Variants in ZNF837 observed in about 807,000 individuals in gnomAD.
ZNF837 encodes the protein zinc finger protein 837.
For missense variants in ZNF837, 955 were observed against 801.7 expected, an observed-to-expected ratio of 1.19 and a Z score of -2.31; for synonymous variants, 475 against 365.2, an observed-to-expected ratio of 1.30 and a Z score of -3.43.
At chr19:58,375,671 C>A (rs2052239219) in intron 1 of ZNF837, among the ~76,000 whole-genome samples, 1 of 151,554 alleles carries the variant, frequency 6.6e-6, no homozygotes. Context: ...TGGTCTCGAA[C>A]TCCTGACCTC....
At chr19:58,375,824 G>A (rs10405927) in intron 1 of ZNF837, among the ~76,000 whole-genome samples, 108 of 151,406 alleles carry the variant, frequency 7.1e-4, no homozygotes, top group African/African-American at 2.5e-3. Flanking sequence ...GTCAGGCGTC[G>A]GCCCACCCTG....
chr19:58,371,578 A>G (rs1194065726), intron 1 of ZNF837, among the ~76,000 whole-genome samples: 1 of 152,220 alleles, frequency 6.6e-6, no homozygotes, highest in Non-Finnish European at 1.5e-5. Context: ...CCGGATGGCT[A>G]ACATCATATG....
At chr19:58,369,968 A>G (rs1432885139) in intron 1 of ZNF837, 40 bp from the exon 2 acceptor site, 1 of 152,218 alleles carries the variant, frequency 6.6e-6, no homozygotes, top group African/African-American at 2.4e-5. Context: ...TAACCAGCTG[A>G]GTAGGGAGAC....
At position 58,368,417 on chromosome 19, in the gene ZNF837, TGCCGCACTC is replaced by T. The variant is rs761144398; in HGVS notation, c.907_915del (p.Glu303_Gly305del). ...AGGCCGGAGCAGCGCACGAAGGCCTTGCCGCACTCGGCGCACTCGTAGGGCCGCTCGCCC... is the reference window on the plus strand; with the variant it reads ...AGGCCGGAGCAGCGCACGAAGGCCTTGGCGCACTCGTAGGGCCGCTCGCCC... On this transcript the variant is annotated inframe_deletion, in exon 3 of 3. Coordinates refer to ENST00000597582, the MANE Select transcript of ZNF837 (RefSeq NM_138466.2). 1.1e-5 allele frequency: 17 copies of T among 1,549,238 alleles called. No homozygotes were observed. In the African/African-American group the frequency reaches 2.2e-4, roughly 20 times the overall value.
At chr19:58,372,463 C>T (rs756265979) in intron 1 of ZNF837, among the ~76,000 whole-genome samples, 6 of 152,096 alleles carry the variant, frequency 3.9e-5, no homozygotes, top group Non-Finnish European at 7.3e-5. Context: ...GTCAAGAGAT[C>T]GAGACCATCC....
chr19:58,368,266 G>T lies in ZNF837; in HGVS notation c.1067C>A (p.Ser356Ter). The T allele has an allele frequency of 6.7e-7, 1 of 1,483,238 alleles. No individual in the cohort carries two copies. The highest frequency in any genetic ancestry group is 8.9e-7 in the Non-Finnish European group (1 of 1,122,280). 91.9% of individuals were successfully genotyped at this position (1,483,238 alleles called of 1,614,324 possible). Residue 356 changes from serine to a stop codon, truncating the protein, a stop_gained, in exon 3 of 3, where the codon TCG becomes TAG. Coordinates refer to ENST00000597582, the MANE Select transcript of ZNF837 (RefSeq NM_138466.2). LOFTEE classifies it low-confidence loss of function (END_TRUNC). ...DYSERSPRRG[S>*]GAGEKPYECA... ...CTCGTACGGCTTCTCCCCGGCTCCC[G>T]ACCCCCGTCGGGGACTCCGCTCGCT...
chr19:58,372,485 G>C (rs1397857820), intron 1 of ZNF837, among the ~76,000 whole-genome samples: 1 of 152,234 alleles, frequency 6.6e-6, no homozygotes, highest in Non-Finnish European at 1.5e-5. Flanking sequence ...TGCCAACATG[G>C]TGAGACGTCC....
At chr19:58,371,845 C>T (rs953573228) in intron 1 of ZNF837, among the ~76,000 whole-genome samples, 3 of 151,962 alleles carry the variant, frequency 2.0e-5, no homozygotes, top group African/African-American at 2.4e-5. Flanking sequence ...CCTCAGCCTC[C>T]TGAGTAGCTG....
In ZNF837 at chr19:58,368,794, G is replaced by A. The variant is rs1324966963; in HGVS notation, c.539C>T (p.Pro180Leu). ...CQPGTGAPTC[P>L]RTPKPTSRGR... ...GCGGGAGGTCGGCTTTGGGGTCCTC[G>A]GGCAGGTCGGAGCGCCAGTCCCTGG... Residue 180 changes from proline (P) to leucine (L), a missense_variant, in exon 3 of 3, where the codon CCG becomes CTG. By Grantham distance (98) the Pro-to-Leu change is moderately conservative. Coordinates refer to ENST00000597582, the MANE Select transcript of ZNF837 (RefSeq NM_138466.2). 4 of 1,544,698 alleles carry A rather than the reference G, an allele frequency of 2.6e-6. No individual in the cohort carries two copies. In the African/African-American group the frequency reaches 4.1e-5, roughly 16 times the overall value.
intron 1 of ZNF837, among the ~76,000 whole-genome samples, chr19:58,372,758 G>T (rs2052212983): frequency 6.6e-6 from 1 of 152,320 alleles, no homozygotes; most frequent in East Asian, 1.9e-4. Flanking sequence ...TGCATTGATG[G>T]CCAGCACTCT....
chr19:58,374,682 A>G (rs935318442), intron 1 of ZNF837, among the ~76,000 whole-genome samples: 1 of 152,168 alleles, frequency 6.6e-6, no homozygotes, highest in Non-Finnish European at 1.5e-5. Context: ...CACACTTGTA[A>G]TCCCCGCACT....
chr19:58,380,664 G>T (rs1449194702), intron 1 of ZNF837, among the ~76,000 whole-genome samples: 1 of 152,202 alleles, frequency 6.6e-6, no homozygotes, highest in East Asian at 1.9e-4. Flanking sequence ...GATGGGTCCC[G>T]GGCCTGGAGC....
chr19:58,376,586 A>G (rs1438526316), intron 1 of ZNF837, among the ~76,000 whole-genome samples: 2 of 138,874 alleles, frequency 1.4e-5, no homozygotes, highest in Admixed American at 7.2e-5. Flanking sequence ...AAAAAAAAAA[A>G]AAAAAGAAAG....
intron 1 of ZNF837, among the ~76,000 whole-genome samples, chr19:58,376,133 G>A (rs1362821505): frequency 6.6e-6 from 1 of 152,004 alleles, no homozygotes; most frequent in Non-Finnish European, 1.5e-5. Context: ...TGGCCTGGCT[G>A]GTCTCAAACT....
At chr19:58,375,332 G>C (rs1381829748) in intron 1 of ZNF837, among the ~76,000 whole-genome samples, 2 of 100,844 alleles carry the variant, frequency 2.0e-5, no homozygotes, top group Admixed American at 1.2e-4. Flanking sequence ...ATATACTTAA[G>C]AGTATATATT....
intron 1 of ZNF837, among the ~76,000 whole-genome samples, chr19:58,375,090 C>T (rs1735461815): frequency 1.3e-5 from 2 of 148,874 alleles, no homozygotes; most frequent in Admixed American, 1.3e-4. Context: ...GAAACCCTGT[C>T]TATACTAAAA....
Position 58,367,693 on chromosome 19 carries a change from G to A in ZNF837, c.*44C>T. ...TCCGGGACAAAGGCCCCTCCTCGAC[G>A]CAGGGTTCGCTTGGGCGACGCGTCG... On this transcript the variant is annotated 3_prime_UTR_variant, in exon 3 of 3. Coordinates refer to ENST00000597582, the MANE Select transcript of ZNF837 (RefSeq NM_138466.2). 6.9e-7 allele frequency: 1 copy of A among 1,455,122 alleles called. No homozygotes were observed. Among genetic ancestry groups the A allele is most frequent in the Middle Eastern group, 2.4e-4 (1 of 4,164 alleles). 90.1% of individuals were successfully genotyped at this position (1,455,122 alleles called of 1,614,324 possible).
chr19:58,372,008 A>G (rs1158367519), intron 1 of ZNF837, among the ~76,000 whole-genome samples: 1 of 151,930 alleles, frequency 6.6e-6, no homozygotes, highest in Non-Finnish European at 1.5e-5. Context: ...GGCGTGAGCC[A>G]CCGTACCTGG....
At position 58,367,901 on chromosome 19, in the gene ZNF837, G is replaced by T. The variant is rs748803114; in HGVS notation, c.1432C>A (p.Arg478Ser). Residue 478 changes from arginine to serine, a missense_variant, in exon 3 of 3, where the codon CGC becomes AGC. Coordinates refer to ENST00000597582, the MANE Select transcript of ZNF837 (RefSeq NM_138466.2). ...LHSGEKPYIC[R>S]DCGKAFVRNC... Reference sequence around the variant, plus strand: ...CGCACGAAGGCCTTGCCGCAGTCGCGGCAGATGTAGGGCTTCTCGCCCGAG... The same window carrying T: ...CGCACGAAGGCCTTGCCGCAGTCGCTGCAGATGTAGGGCTTCTCGCCCGAG... The T allele has an allele frequency of 6.5e-7, 1 of 1,533,366 alleles. No homozygotes were observed. The highest frequency in any genetic ancestry group is 1.2e-5 in the South Asian group (1 of 83,682). The allele number at this position is 1,533,366 out of a possible 1,614,324, so 95.0% of individuals were successfully genotyped here.
Sources: gnomAD v4.1 joint callset for allele counts (sites outside exome capture counted in the v4.1 genomes callset) on GRCh38, gnomAD v4.1.1 for gene constraint, MANE v1.5 for transcripts, NCBI Gene and HGNC (gene_info 2026-07-23, HGNC 2026-07-21) for gene names.